The following ADAMTS17 variants were observed in gnomAD, a reference collection of about 807,000 sequenced individuals.
The protein encoded by ADAMTS17 is A disintegrin and metalloproteinase with thrombospondin motifs 17.
Under a neutral mutation model 141.5 loss-of-function variants are expected in ADAMTS17, and 113 were observed. The ratio of observed to expected loss-of-function variants is 0.80; its 90% CI spans 0.69 to 0.93. The LOEUF (loss-of-function observed/expected upper bound fraction) is 0.93. Among genes scored for constraint, ADAMTS17 ranks in the 40% least tolerant of loss-of-function variants. The pLI, the probability that ADAMTS17 is intolerant of heterozygous loss-of-function variation, is 0.00. For missense variants in ADAMTS17, 1,659 were observed against 1,517.9 expected (o/e 1.09, Z -1.54); for synonymous variants, 768 against 630.6 (o/e 1.22, Z -3.27).
intron 7 of ADAMTS17, among the ~76,000 whole-genome samples, chr15:100,213,094 C>T (rs1381733717): frequency 6.6e-6 from 1 of 151,940 alleles, no homozygotes; most frequent in African/African-American, 2.4e-5. Flanking sequence ...ATATAAAATA[C>T]AAATTTTATA....
intron 7 of ADAMTS17, among the ~76,000 whole-genome samples, chr15:100,218,902 C>A (rs199897206): frequency 9.4e-6 from 1 of 106,620 alleles, no homozygotes; most frequent in Non-Finnish European, 2.0e-5. Flanking sequence ...TGAACACGCA[C>A]ACGTCCACCT....
intron 18 of ADAMTS17, among the ~76,000 whole-genome samples, chr15:99,999,882 G>A (rs1009187803): frequency 3.0e-4 from 45 of 152,128 alleles, no homozygotes; most frequent in African/African-American, 9.9e-4. Flanking sequence ...GTCCCTCCTT[G>A]TCCCAGAGCA....
At chr15:100,172,248 G>C (rs992160339) in intron 8 of ADAMTS17, among the ~76,000 whole-genome samples, 37 of 152,172 alleles carry the variant, frequency 2.4e-4, no homozygotes, top group African/African-American at 8.9e-4. Flanking sequence ...CACAGGCTCT[G>C]ATTTCATTGG....
intron 15 of ADAMTS17, among the ~76,000 whole-genome samples, chr15:100,069,651 T>C (rs537874172): frequency 7.9e-5 from 12 of 152,164 alleles, no homozygotes; most frequent in African/African-American, 2.9e-4. Context: ...CTAAGCTTCA[T>C]AAGTGAAGGA....
At chr15:100,025,760 A>G (rs1596256270) in intron 18 of ADAMTS17, among the ~76,000 whole-genome samples, 1 of 152,270 alleles carries the variant, frequency 6.6e-6, no homozygotes, top group Non-Finnish European at 1.5e-5. Context: ...AGCTAGGCCA[A>G]TTCCAATACA....
chr15:100,139,309 G>T (rs2038505668), intron 10 of ADAMTS17, among the ~76,000 whole-genome samples: 1 of 152,226 alleles, frequency 6.6e-6, no homozygotes, highest in Non-Finnish European at 1.5e-5. Flanking sequence ...CTAAGAATGT[G>T]TAAGTGAGCA....
intron 8 of ADAMTS17, among the ~76,000 whole-genome samples, chr15:100,174,759 T>C (rs1470223583): frequency 6.6e-5 from 10 of 152,166 alleles, no homozygotes; most frequent in Non-Finnish European, 2.9e-5. Context: ...GCAACGTTCA[T>C]GTTAGGAGGA....
In ADAMTS17 at chr15:100,019,100, C is replaced by T. The variant is rs138659615; in HGVS notation, c.2592-21511G>A. 1.2e-3 allele frequency among the ~76,000 whole-genome samples: 181 copies of T among 152,248 alleles called. 2 individuals are homozygous for T. The highest frequency in any genetic ancestry group is 3.9e-3 in the African/African-American group (161 of 41,538). ...TGGCAGAATGAATAAATGTGTAAGA[C>T]GAAATCATATAGAAAACGAATGCCA... is the stretch of plus-strand genomic sequence containing the variant. On this transcript the variant is annotated intron_variant, in intron 18 of 21. Transcript: ENST00000268070.
Position 100,265,478 on chromosome 15 carries a change from G to A in ADAMTS17, c.790-3043C>T, listed in dbSNP as rs556699675. On this transcript the variant is annotated intron_variant, in intron 4 of 21. Coordinates refer to ENST00000268070, the MANE Select transcript of ADAMTS17 (RefSeq NM_139057.4). ...CCAGCAAGTGTTCAGTCCTGGCTGCGTTTGTCACATTTCCTTGGCAGCCTA... is the reference window on the plus strand; with the variant it reads ...CCAGCAAGTGTTCAGTCCTGGCTGCATTTGTCACATTTCCTTGGCAGCCTA... Among the ~76,000 whole-genome samples, 9 of 152,332 alleles carry A rather than the reference G, an allele frequency of 5.9e-5. No individual in the cohort carries two copies. The East Asian group carries it at 1.5e-3, about 26-fold the overall frequency.
intron 7 of ADAMTS17, among the ~76,000 whole-genome samples, chr15:100,247,110 C>T (rs1567423621): frequency 6.6e-6 from 1 of 152,094 alleles, no homozygotes; most frequent in Non-Finnish European, 1.5e-5. Context: ...TAGTCTCGAA[C>T]TCCTGACCTC....
At chr15:100,069,482 G>C (rs1245686504) in intron 15 of ADAMTS17, among the ~76,000 whole-genome samples, 1 of 152,142 alleles carries the variant, frequency 6.6e-6, no homozygotes, top group Non-Finnish European at 1.5e-5. Context: ...AATGTTAAGG[G>C]CAGCCAGAGA....
At chr15:100,006,748 TC>T (rs2061043535) in intron 18 of ADAMTS17, among the ~76,000 whole-genome samples, 1 of 152,220 alleles carries the variant, frequency 6.6e-6, no homozygotes, top group Admixed American at 6.5e-5. Flanking sequence ...CTAGGAATGT[TC>T]CCCACATTCA....
At chr15:100,214,033 C>T (rs544226875) in intron 7 of ADAMTS17, among the ~76,000 whole-genome samples, 2 of 152,300 alleles carry the variant, frequency 1.3e-5, no homozygotes, top group African/African-American at 2.4e-5. Flanking sequence ...TGACTAGTTA[C>T]GGAGAGTGAG....
At chr15:100,110,898 G>A (rs941513340) in intron 13 of ADAMTS17, among the ~76,000 whole-genome samples, 3 of 152,152 alleles carry the variant, frequency 2.0e-5, no homozygotes, top group African/African-American at 7.2e-5. Flanking sequence ...CTCGTGACTG[G>A]AGGACTAAAC....
chr15:100,286,659 C>G (rs528959386), intron 3 of ADAMTS17, among the ~76,000 whole-genome samples: 1 of 152,076 alleles, frequency 6.6e-6, no homozygotes, highest in Non-Finnish European at 1.5e-5. Context: ...CAAAAAAAAC[C>G]CATCCAAAGG....
chr15:100,257,677 C>A (rs1310702406), intron 6 of ADAMTS17, among the ~76,000 whole-genome samples: 3 of 152,242 alleles, frequency 2.0e-5, no homozygotes. Context: ...CATCCAGAAC[C>A]ACTCCCATGC....
chr15:99,974,838 G>T (rs1463373216), intron 21 of ADAMTS17, among the ~76,000 whole-genome samples: 1 of 152,228 alleles, frequency 6.6e-6, no homozygotes, highest in African/African-American at 2.4e-5. Flanking sequence ...CCTTGCTTCC[G>T]AGCTAAGTGG....
In ADAMTS17 at chr15:100,245,896, C is replaced by T. The variant is rs549437608; in HGVS notation, c.1075+8240G>A. On this transcript the variant is annotated intron_variant, in intron 7 of 21. Transcript: ENST00000268070. ...GCATGAGCGTAAAGGTGTGTGTGTA[C>T]GTGTGTACATATGTGTCTGGTATTT... Among the ~76,000 whole-genome samples the T allele has an allele frequency of 1.5e-4, 23 of 152,236 alleles. No homozygotes were observed. The South Asian group carries it at 2.7e-3, about 18-fold the overall frequency.
chr15:100,111,183 G>T (rs973913093), intron 13 of ADAMTS17, among the ~76,000 whole-genome samples: 2 of 152,154 alleles, frequency 1.3e-5, no homozygotes, highest in Non-Finnish European at 2.9e-5. Flanking sequence ...AGGCACTCTG[G>T]GGGGCACTTC....
Sources: allele counts gnomAD v4.1 joint callset (sites outside exome capture counted in the v4.1 genomes callset), GRCh38; gene constraint gnomAD v4.1.1; transcripts MANE v1.5; gene names NCBI Gene and HGNC (gene_info 2026-07-23, HGNC 2026-07-21).